The following CD109 variants were observed in gnomAD, a reference collection of about 807,000 sequenced individuals.
CD109 encodes CD109 molecule, also known as CD109 antigen.
In CD109, 149 loss-of-function variants were observed where a neutral mutation model predicts 165.8. The observed-to-expected ratio is 0.90, with a 90% CI of 0.79 to 1.03. The LOEUF is 1.03. Among genes scored for constraint, CD109 ranks in the 50% least tolerant of loss-of-function variants. CD109 has a pLI of 0.00. For synonymous variants in CD109, 585 were observed against 592.1 expected, an observed-to-expected ratio of 0.99 and a Z score of 0.18; for missense variants, 1,712 against 1,677.8, an observed-to-expected ratio of 1.02 and a Z score of -0.36.
At chr6:73,813,281 T>C (rs1226908449) in intron 29 of CD109, among the ~76,000 whole-genome samples, 1 of 152,120 alleles carries the variant, frequency 6.6e-6, no homozygotes, top group African/African-American at 2.4e-5. Context: ...TGTCTTGCAA[T>C]CCAAGAGTAA....
chr6:73,810,364 G>A (rs1775709985), intron 27 of CD109, among the ~76,000 whole-genome samples, 190 bp downstream of exon 27: 1 of 150,356 alleles, frequency 6.7e-6, no homozygotes, highest in Non-Finnish European at 1.5e-5. Context: ...TCAAAGTTTA[G>A]TAACTTAAGC....
At position 73,780,431 on chromosome 6, in the gene CD109, A is replaced by G. The variant is rs1240935034; in HGVS notation, c.1835A>G (p.His612Arg). ...ATTTTATCTTCTCCTTAGGTGGTCC[A>G]TGAGTTGGAACTTTATAACACAGGA... ...SNDITMENVV[H>R]ELELYNTGYY... The change falls in exon 16 of 33, where the codon CAT becomes CGT. Residue 612 changes from histidine to arginine, a missense_variant. Physicochemically the swap from His to Arg is conservative, Grantham distance 29 (BLOSUM62 0). Transcript: ENST00000287097. The G allele has an allele frequency of 6.3e-7, 1 of 1,595,336 alleles. No individual in the cohort carries two copies. The highest frequency in any genetic ancestry group is 8.6e-7 in the Non-Finnish European group (1 of 1,163,650).
chr6:73,768,839 T>C (rs1185605129), intron 14 of CD109, among the ~76,000 whole-genome samples: 1 of 152,198 alleles, frequency 6.6e-6, no homozygotes, highest in Non-Finnish European at 1.5e-5. Context: ...ATCTCATGTA[T>C]ATAAGAATGA....
chr6:73,806,917 A>G lies in CD109; in HGVS notation c.3034A>G (p.Arg1012Gly). The G allele has an allele frequency of 5.0e-6, 8 of 1,614,012 alleles. No homozygotes were observed. The highest frequency in any genetic ancestry group is 6.8e-6 in the Non-Finnish European group (8 of 1,179,958). The change falls in exon 25 of 33, where the codon AGA becomes GGA. Residue 1012 changes from arginine to glycine, a missense_variant. Physicochemically the swap from Arg to Gly is moderately radical, Grantham distance 125. Transcript: ENST00000287097. ...YIDIDQNVLH[R>G]TYTWLKGHQK... ...AGATATTGATCAGAATGTGTTACAC[A>G]GAACATACACTTGGCTTAAAGGACA... is the stretch of plus-strand genomic sequence containing the variant.
chr6:73,821,542 TA>T (rs1293928866), intron 32 of CD109, among the ~76,000 whole-genome samples: 2 of 152,186 alleles, frequency 1.3e-5, no homozygotes, highest in African/African-American at 4.8e-5. Context: ...TATACAGCCA[TA>T]AAAAAGAACT....
At chr6:73,712,445 G>T (rs1322940484) in intron 2 of CD109, among the ~76,000 whole-genome samples, 2 of 152,032 alleles carry the variant, frequency 1.3e-5, no homozygotes, top group Non-Finnish European at 2.9e-5. Flanking sequence ...ACTAAGTCAG[G>T]CATATATATA....
chr6:73,734,745 G>A (rs1169271701), intron 4 of CD109, among the ~76,000 whole-genome samples: 5 of 152,184 alleles, frequency 3.3e-5, no homozygotes, highest in Admixed American at 2.6e-4. Context: ...TGGGAGAGAG[G>A]TTTCTTCTGT....
chr6:73,743,010 T>G (rs1355923993), intron 5 of CD109, among the ~76,000 whole-genome samples: 1 of 152,200 alleles, frequency 6.6e-6, no homozygotes, highest in Non-Finnish European at 1.5e-5. Flanking sequence ...TTGGGCAGTG[T>G]TGGGCAGTCA....
At position 73,770,811 on chromosome 6, in the gene CD109, G is replaced by A. The variant is rs112702447; in HGVS notation, c.1675-618G>A. Among the ~76,000 whole-genome samples, 971 of 152,286 alleles carry A rather than the reference G, an allele frequency of 6.4e-3. 15 individuals carry two copies. Among genetic ancestry groups the A allele is most frequent in the African/African-American group, 0.022 (906 of 41,558 alleles). On this transcript the variant is annotated intron_variant, in intron 14 of 32. Coordinates refer to ENST00000287097, the MANE Select transcript of CD109 (RefSeq NM_133493.5). ...TCATGACAAGGCCATTTGGTTCAGCGGTGATGCGATGACTGATGCTCTTTA... is the reference window on the plus strand; with the variant it reads ...TCATGACAAGGCCATTTGGTTCAGCAGTGATGCGATGACTGATGCTCTTTA...
intron 5 of CD109, among the ~76,000 whole-genome samples, chr6:73,744,771 G>A (rs1426141818): frequency 6.6e-6 from 1 of 152,134 alleles, no homozygotes; most frequent in Non-Finnish European, 1.5e-5. Context: ...TTTCAAATGT[G>A]TCTTCTGTAC....
At chr6:73,794,566 C>G (rs1775089587) in intron 23 of CD109, among the ~76,000 whole-genome samples, 1 of 152,126 alleles carries the variant, frequency 6.6e-6, no homozygotes, top group Admixed American at 6.5e-5. Flanking sequence ...GAAGATCTCC[C>G]TGGGATAGGA....
chr6:73,799,407 C>G (rs1027585688), intron 23 of CD109, among the ~76,000 whole-genome samples: 2 of 152,138 alleles, frequency 1.3e-5, no homozygotes, highest in Non-Finnish European at 2.9e-5. Context: ...GCGGTTCTTG[C>G]ATTACTATAA....
chr6:73,768,016 G>A lies in CD109; in HGVS notation c.1498-39G>A, dbSNP rs773834110. The A allele has an allele frequency of 3.3e-6, 5 of 1,529,048 alleles. No individual in the cohort carries two copies. In the South Asian group the frequency reaches 4.6e-5, roughly 14 times the overall value. The allele number at this position is 1,529,048 out of a possible 1,614,324, so 94.7% of individuals were successfully genotyped here. A position where few individuals can be genotyped will look rare whatever the true frequency, so the allele number is the denominator to read the frequency against. ...GTAGCTTCAGATGAGATCCTACTAGGTTTGGCAATAAATTAAACCCATCTA... is the reference window on the plus strand; with the variant it reads ...GTAGCTTCAGATGAGATCCTACTAGATTTGGCAATAAATTAAACCCATCTA... On this transcript the variant is annotated intron_variant, in intron 13 of 32. Transcript: ENST00000287097.
At chr6:73,770,680 A>C (rs1427359677) in intron 14 of CD109, among the ~76,000 whole-genome samples, 2 of 152,304 alleles carry the variant, frequency 1.3e-5, no homozygotes, top group East Asian at 3.9e-4. Context: ...CCCAGGAGGC[A>C]AAGGTTGCAG....
intron 4 of CD109, among the ~76,000 whole-genome samples, chr6:73,733,474 C>T (rs58734927): frequency 0.021 from 3,158 of 152,298 alleles, 106 homozygotes; most frequent in African/African-American, 0.071. Context: ...AAAGGAGCTT[C>T]GAGGCCTTTT....
intron 5 of CD109, among the ~76,000 whole-genome samples, chr6:73,752,831 A>G (rs989330970): frequency 4.6e-5 from 7 of 152,214 alleles, no homozygotes; most frequent in African/African-American, 1.7e-4. Context: ...CATGAACTGT[A>G]TTTGATGAAC....
rs553521183 is a variant in CD109, at chr6:73,808,406, G to A, written c.3355+158G>A. Among the ~76,000 whole-genome samples, 7 of 152,262 alleles carry A rather than the reference G, an allele frequency of 4.6e-5. No individual in the cohort carries two copies. In the East Asian group the frequency reaches 9.6e-4, roughly 21 times the overall value. The stretch of plus-strand genomic sequence containing the variant: ...AGGATGGGCCTGACATGGCCACAAT[G>A]CTTCTGGTCTCCCCAGGGTTTTTTT... On this transcript the variant is annotated intron_variant, in intron 26 of 32. Transcript: ENST00000287097.
chr6:73,770,139 GGGACTCT>G (rs148381715), intron 14 of CD109, among the ~76,000 whole-genome samples: 4,934 of 152,160 alleles, frequency 0.032, 267 homozygotes, highest in African/African-American at 0.11. Context: ...GAGATCAATT[GGGACTCT>G]GTCTTTCTTG....
upstream of CD109, among the ~76,000 whole-genome samples, chr6:73,692,302 CATAG>C (rs1368945766): frequency 2.0e-5 from 3 of 152,120 alleles, no homozygotes; most frequent in Admixed American, 6.6e-5. Flanking sequence ...ATGCAATAAG[CATAG>C]ATGATATTTT....
Sources: gnomAD v4.1 joint callset for allele counts (sites outside exome capture counted in the v4.1 genomes callset) on GRCh38, gnomAD v4.1.1 for gene constraint, MANE v1.5 for transcripts, NCBI Gene and HGNC (gene_info 2026-07-23, HGNC 2026-07-21) for gene names.